Variants in CEACAM4 observed in about 807,000 individuals in gnomAD.
CEACAM4 encodes the protein cell adhesion molecule CEACAM4.
A neutral mutation model predicts 28.7 loss-of-function variants in CEACAM4; 30 were observed. The ratio of observed to expected loss-of-function variants is 1.05; its 90% CI spans 0.78 to 1.42. The LOEUF (loss-of-function observed/expected upper bound fraction) is 1.42. CEACAM4 is among the 40% of genes most tolerant of loss of function. CEACAM4 has a pLI of 0.00. For synonymous variants in CEACAM4, 143 were observed against 126.5 expected, an observed-to-expected ratio of 1.13 and a Z score of -0.87; for missense variants, 330 against 308.2, an observed-to-expected ratio of 1.07 and a Z score of -0.53.
At chr19:41,618,446 C>G (rs2071048916), downstream of CEACAM4, among the ~76,000 whole-genome samples, 1 of 152,116 alleles carries the variant, frequency 6.6e-6, no homozygotes, top group Non-Finnish European at 1.5e-5. Flanking sequence ...TGTGCCCCAC[C>G]AGGGATAAAG....
intron 2 of CEACAM4, among the ~76,000 whole-genome samples, chr19:41,622,485 G>A (rs2071353625): frequency 6.6e-6 from 1 of 152,066 alleles, no homozygotes; most frequent in African/African-American, 2.4e-5. Flanking sequence ...ATTTTCAGGG[G>A]TCTTCCATGT....
Position 41,620,222 on chromosome 19 carries a change from A to T in CEACAM4, c.616T>A (p.Ser206Thr). 1 of 1,489,794 alleles carries T rather than the reference A, an allele frequency of 6.7e-7. No homozygotes were observed. Among genetic ancestry groups the T allele is most frequent in the South Asian group, 1.4e-5 (1 of 71,296 alleles). 92.3% of individuals were successfully genotyped at this position (1,489,794 alleles called of 1,614,324 possible). ...STPGHGPSHRSTFSAPLPSPR... is the reference protein window; with the variant it reads ...STPGHGPSHRTTFSAPLPSPR... Reference sequence around the variant, plus strand: ...GGGAACAGGCTTACCGAGAAGGTGGATCTGTGAGAGGGACCATGGCCTGGG... The same window carrying T: ...GGGAACAGGCTTACCGAGAAGGTGGTTCTGTGAGAGGGACCATGGCCTGGG... The change falls in exon 5 of 7, where the codon TCC (serine) becomes ACC (threonine). Residue 206 changes from serine to threonine, a missense_variant. Coordinates refer to ENST00000221954, the MANE Select transcript of CEACAM4 (RefSeq NM_001817.4).
the CEACAM4 span, among the ~76,000 whole-genome samples, chr19:41,613,707 G>T: frequency 6.6e-6 from 1 of 152,122 alleles, no homozygotes; most frequent in African/African-American, 2.4e-5. Flanking sequence ...GGTCACTGCA[G>T]CAGGCAGGGT....
chr19:41,623,519 C>T lies in CEACAM4; in HGVS notation c.425-1751G>A, dbSNP rs527653142. On this transcript the variant is annotated intron_variant, in intron 2 of 6. Coordinates refer to ENST00000221954, the MANE Select transcript of CEACAM4 (RefSeq NM_001817.4). ...GGCAACAGGAACTTGGGTGAGCAGG[C>T]GTTCAGTGATGCGGTGGTGAGTGGG... 8.9e-5 allele frequency among the ~76,000 whole-genome samples: 13 copies of T among 145,776 alleles called. No individual in the cohort carries two copies. The South Asian group carries it at 2.0e-3, about 22-fold the overall frequency.
chr19:41,618,005 G>C (rs999502522), downstream of CEACAM4, among the ~76,000 whole-genome samples: 16 of 152,190 alleles, frequency 1.1e-4, no homozygotes, highest in African/African-American at 1.4e-4. Flanking sequence ...CGAACAACCT[G>C]TGGCAGTGGC....
the CEACAM4 span, among the ~76,000 whole-genome samples, chr19:41,613,753 G>A: frequency 5.3e-5 from 8 of 152,208 alleles, no homozygotes; most frequent in East Asian, 1.9e-4. Flanking sequence ...GGCTGTATCC[G>A]GAAGTCCCAT....
rs1195841060 is a variant in CEACAM4 at position 41,620,226 on chromosome 19, G to A, written c.612C>T (p.His204=). 2.0e-6 allele frequency: 3 copies of A among 1,489,514 alleles called. No homozygotes were observed. The highest frequency in any genetic ancestry group is 1.8e-6 in the Non-Finnish European group (2 of 1,125,018). The allele number at this position is 1,489,514 out of a possible 1,614,324, so 92.3% of individuals were successfully genotyped here. ...PASTPGHGPS[H]RSTFSAPLPS... Reference sequence around the variant, plus strand: ...ACAGGCTTACCGAGAAGGTGGATCTGTGAGAGGGACCATGGCCTGGGGACA... The same window carrying A: ...ACAGGCTTACCGAGAAGGTGGATCTATGAGAGGGACCATGGCCTGGGGACA... Residue 204 remains histidine, a synonymous_variant, in exon 5 of 7, where the codon CAC becomes CAT. Transcript: ENST00000221954.
chr19:41,620,186 A>G (rs1555800592), intron 5 of CEACAM4, 25 bp downstream of exon 5: 2 of 1,487,070 alleles, frequency 1.3e-6, no homozygotes, highest in African/African-American at 1.4e-5. Context: ...CCAGTAGAAA[A>G]GGGCTGGGGA....
At position 41,625,658 on chromosome 19, in the gene CEACAM4, G is replaced by T. The variant is rs147663846; in HGVS notation, c.367C>A (p.Arg123=). 4 of 1,608,250 alleles carry T rather than the reference G, an allele frequency of 2.5e-6. No homozygotes were observed. Among genetic ancestry groups the T allele is most frequent in the Non-Finnish European group, 2.5e-6 (3 of 1,176,506 alleles). The change falls in exon 2 of 7, where the codon CGA becomes AGA. Residue 123 remains arginine (R), a synonymous_variant. Transcript: ENST00000221954. ...TLEDAGSYTL[R]TINASYDSDQ... ...GAGTCGTAACTGGCATTTATGGTTC[G>T]TAGGGTGTAGGATCCTGCGTCCTCC... is the stretch of plus-strand genomic sequence containing the variant.
Position 41,625,828 on chromosome 19 carries a change from T to C in CEACAM4, c.197A>G (p.Tyr66Cys), listed in dbSNP as rs781917692. Residue 66 changes from tyrosine to cysteine, a missense_variant, in exon 2 of 7, where the codon TAT (tyrosine) becomes TGT (cysteine). By Grantham distance (194) the Tyr-to-Cys change is radical. Transcript: ENST00000221954. ...TTCTGCCGTTTTCCCCTTGTGCCAA[T>C]AATAGGCTTGAATAGTTTCTGAAAT... ...CNISETIQAY[Y>C]WHKGKTAEGS... 8.1e-6 allele frequency: 13 copies of C among 1,613,970 alleles called. No individual in the cohort carries two copies. Among genetic ancestry groups the C allele is most frequent in the Non-Finnish European group, 1.1e-5 (13 of 1,179,974 alleles).
At chr19:41,623,419 ATTTTT>A (rs57004828) in intron 2 of CEACAM4, among the ~76,000 whole-genome samples, 5,111 of 104,980 alleles carry the variant, frequency 0.049, 100 homozygotes, top group Admixed American at 0.082. Context: ...TTCGAACTGC[ATTTTT>A]TTTTTTTTTT....
intron 1 of CEACAM4, 74 bp downstream of exon 1, chr19:41,626,826 C>T (rs1376064757): frequency 1.2e-5 from 17 of 1,365,074 alleles, no homozygotes; most frequent in South Asian, 4.8e-5. Flanking sequence ...GCCCTCTATC[C>T]CCTCCTACCC....
At chr19:41,613,752 C>T in the CEACAM4 span, among the ~76,000 whole-genome samples, 14 of 152,010 alleles carry the variant, frequency 9.2e-5, no homozygotes, top group Admixed American at 5.2e-4. Flanking sequence ...GGGCTGTATC[C>T]GGAAGTCCCA....
chr19:41,614,892 TAGGGA>T (rs1331541708), downstream of CEACAM4, among the ~76,000 whole-genome samples: 9 of 125,790 alleles, frequency 7.2e-5, no homozygotes, highest in Admixed American at 7.5e-4. Context: ...TTTGGCTTTA[TAGGGA>T]AGGGAAGGGA....
chr19:41,615,816 C>A (rs1327572356), downstream of CEACAM4, among the ~76,000 whole-genome samples: 2 of 152,094 alleles, frequency 1.3e-5, no homozygotes, highest in African/African-American at 4.8e-5. Flanking sequence ...GTGTGACTAG[C>A]AGGGACACTG....
At position 41,621,659 on chromosome 19, in the gene CEACAM4, C is replaced by A. The variant is rs782159542; in HGVS notation, c.534G>T (p.Arg178Ser). 17 of 1,593,812 alleles carry A rather than the reference C, an allele frequency of 1.1e-5. No homozygotes were observed. Among genetic ancestry groups the A allele is most frequent in the South Asian group, 6.6e-5 (6 of 90,588 alleles). Residue 178 changes from arginine (R) to serine (S), a missense_variant, in exon 3 of 7, where the codon AGG (arginine) becomes AGT (serine). Physicochemically the swap from Arg to Ser is moderately radical, Grantham distance 110. Coordinates refer to ENST00000221954, the MANE Select transcript of CEACAM4 (RefSeq NM_001817.4). The part of the protein sequence containing the change: ...AALVCFLLLS[R>S]TGRASIQRDL... ...GGGAAAAGCTGCGGTACCTTCCAGT[C>A]CTGGAGAGAAGCAGAAAACACACCA...
chr19:41,618,995 G>A (rs1480428718), downstream of CEACAM4: 19 of 327,088 alleles, frequency 5.8e-5, no homozygotes, highest in South Asian at 8.6e-4. Flanking sequence ...CTAAGTTCCC[G>A]TGAGCAGAAA....
In CEACAM4 at chr19:41,625,846, T is replaced by G. The variant is rs782117896; in HGVS notation, c.179A>C (p.Glu60Ala). ...GTGCCAATAATAGGCTTGAATAGTTTCTGAAATATTGCAGGCCAGTAGAAG... is the reference window on the plus strand; with the variant it reads ...GTGCCAATAATAGGCTTGAATAGTTGCTGAAATATTGCAGGCCAGTAGAAG... Reference protein sequence around the residue: ...DVLLLACNISETIQAYYWHKG... With the variant: ...DVLLLACNISATIQAYYWHKG... The change falls in exon 2 of 7, where the codon GAA (glutamate) becomes GCA (alanine). Residue 60 changes from glutamate (E) to alanine (A), a missense_variant. Glu to Ala is a moderately radical substitution (Grantham distance 107). Coordinates refer to ENST00000221954, the MANE Select transcript of CEACAM4 (RefSeq NM_001817.4). 6.2e-7 allele frequency: 1 copy of G among 1,613,984 alleles called. No individual in the cohort carries two copies. Among genetic ancestry groups the G allele is most frequent in the South Asian group, 1.1e-5 (1 of 91,084 alleles).
At chr19:41,618,301 T>A (rs770450500), downstream of CEACAM4, among the ~76,000 whole-genome samples, 3 of 151,936 alleles carry the variant, frequency 2.0e-5, no homozygotes, top group Non-Finnish European at 4.4e-5. Context: ...GTGTAAAGAG[T>A]TGGCTTGCTC....
Sources: allele counts gnomAD v4.1 joint callset (sites outside exome capture counted in the v4.1 genomes callset), GRCh38; gene constraint gnomAD v4.1.1; transcripts MANE v1.5; gene names NCBI Gene and HGNC (gene_info 2026-07-23, HGNC 2026-07-21).